SYNPR: variants seen among roughly 807,000 people sequenced by gnomAD.
SYNPR encodes the protein synaptoporin.
SYNPR carries 23 observed loss-of-function variants against 32.9 expected under a neutral mutation model. The ratio of observed to expected loss-of-function variants is 0.70; its 90% CI spans 0.50 to 0.99. The LOEUF is 0.99. SYNPR is among the 50% of genes least tolerant of loss of function. The probability of loss-of-function intolerance (pLI) is 0.00; values close to 1 mark genes in which losing one functional copy is unlikely to be tolerated. For missense variants in SYNPR, 318 were observed against 349.3 expected (o/e 0.91, Z 0.71); for synonymous variants, 146 against 135.9 (o/e 1.07, Z -0.52).
At chr3:63,302,766 T>C (rs1022375342) in intron 2 of SYNPR, among the ~76,000 whole-genome samples, 3 of 151,962 alleles carry the variant, frequency 2.0e-5, no homozygotes. Context: ...TAATGGATAA[T>C]AATAAACTTA....
intron 2 of SYNPR, among the ~76,000 whole-genome samples, chr3:63,318,171 C>T (rs953040205): frequency 1.3e-5 from 2 of 152,006 alleles, no homozygotes; most frequent in South Asian, 4.2e-4. Context: ...GTGCTTCTGT[C>T]TCACAGCTTT....
chr3:63,494,498 C>CATATATACATATATACATATATATACAT (rs1701332790), intron 3 of SYNPR, among the ~76,000 whole-genome samples: 3 of 107,180 alleles, frequency 2.8e-5, no homozygotes, highest in Non-Finnish European at 5.6e-5. Flanking sequence ...CATATATATA[C>CATATATACATATATACATATATATACAT]ATATATACAT....
chr3:63,281,783 G>A (rs1304105588), intron 2 of SYNPR, among the ~76,000 whole-genome samples: 1 of 152,142 alleles, frequency 6.6e-6, no homozygotes, highest in Admixed American at 6.5e-5. Context: ...AATATTTATT[G>A]CAACATCATC....
intron 2 of SYNPR, among the ~76,000 whole-genome samples, chr3:63,419,770 G>A (rs1053347396): frequency 2.1e-4 from 32 of 152,244 alleles, no homozygotes; most frequent in African/African-American, 7.7e-4. Context: ...TTCCATGAAA[G>A]GCATGTGAAG....
chr3:63,341,947 CTT>C (rs2087375671), intron 2 of SYNPR, among the ~76,000 whole-genome samples: 1 of 152,088 alleles, frequency 6.6e-6, no homozygotes, highest in Non-Finnish European at 1.5e-5. Flanking sequence ...TCCAAGGTTA[CTT>C]AGATTTTCTC....
intron 2 of SYNPR, among the ~76,000 whole-genome samples, chr3:63,444,566 A>G (rs527415427): frequency 6.6e-6 from 1 of 152,282 alleles, no homozygotes; most frequent in East Asian, 1.9e-4. Context: ...TACATTTTTC[A>G]GAGATTTCGA....
At chr3:63,517,373 A>C (rs1446720954) in intron 3 of SYNPR, among the ~76,000 whole-genome samples, 1 of 152,142 alleles carries the variant, frequency 6.6e-6, no homozygotes, top group Admixed American at 6.6e-5. Context: ...GTTTGATCTC[A>C]GTGGATGATC....
chr3:63,468,315 A>T (rs1194390826), intron 2 of SYNPR, among the ~76,000 whole-genome samples: 1 of 152,132 alleles, frequency 6.6e-6, no homozygotes, highest in East Asian at 1.9e-4. Flanking sequence ...GAATGTAGAA[A>T]GGTTTTTAAA....
intron 3 of SYNPR, among the ~76,000 whole-genome samples, chr3:63,555,927 A>C (rs1186569795): frequency 1.3e-5 from 2 of 152,300 alleles, no homozygotes; most frequent in East Asian, 3.9e-4. Flanking sequence ...CAAATGCCTA[A>C]AGGAAAGGAG....
intron 1 of SYNPR, among the ~76,000 whole-genome samples, chr3:63,235,184 G>A (rs2086192384): frequency 6.6e-6 from 1 of 152,152 alleles, no homozygotes; most frequent in Non-Finnish European, 1.5e-5. Context: ...ATACTGAATA[G>A]CACCAACACA....
upstream of SYNPR, among the ~76,000 whole-genome samples, chr3:63,274,856 T>C (rs2086561539): frequency 6.6e-6 from 1 of 152,148 alleles, no homozygotes; most frequent in Admixed American, 6.5e-5. Context: ...GTTGTGACAA[T>C]CAAAATGTCT....
intron 2 of SYNPR, among the ~76,000 whole-genome samples, chr3:63,351,178 T>C (rs1472968027): frequency 2.6e-5 from 4 of 152,212 alleles, no homozygotes; most frequent in Admixed American, 2.6e-4. Context: ...GCCCAATTGA[T>C]CTTGGCCGAT....
intron 2 of SYNPR, among the ~76,000 whole-genome samples, chr3:63,345,921 TC>T (rs1475948451): frequency 6.6e-6 from 1 of 152,090 alleles, no homozygotes; most frequent in Non-Finnish European, 1.5e-5. Context: ...TTCAAGCGAT[TC>T]CCCTGCCTCA....
intron 3 of SYNPR, among the ~76,000 whole-genome samples, chr3:63,539,130 G>A (rs1051821716): frequency 2.6e-5 from 4 of 151,930 alleles, no homozygotes; most frequent in African/African-American, 9.7e-5. Flanking sequence ...TGTTGTTTCA[G>A]TTTCAGTTTG....
chr3:63,442,742 C>T (rs1700202731), intron 2 of SYNPR, among the ~76,000 whole-genome samples: 1 of 152,246 alleles, frequency 6.6e-6, no homozygotes, highest in Admixed American at 6.5e-5. Context: ...TCTACAGTTG[C>T]CAGAGCCTTA....
chr3:63,569,839 A>T (rs994524677), intron 4 of SYNPR, among the ~76,000 whole-genome samples: 2 of 152,224 alleles, frequency 1.3e-5, no homozygotes, highest in African/African-American at 4.8e-5. Flanking sequence ...GGAATTCTTT[A>T]TAAGTTGCAT....
chr3:63,569,795 A>T (rs1702854804), intron 4 of SYNPR, among the ~76,000 whole-genome samples: 1 of 152,234 alleles, frequency 6.6e-6, no homozygotes, highest in Non-Finnish European at 1.5e-5. Flanking sequence ...AAACAAACAT[A>T]CAGAAATCCC....
intron 2 of SYNPR, among the ~76,000 whole-genome samples, chr3:63,339,371 A>G (rs374721914): frequency 2.0e-5 from 3 of 152,210 alleles, no homozygotes; most frequent in African/African-American, 7.2e-5. Flanking sequence ...TTTTATTAAG[A>G]TAATTACAGA....
At chr3:63,336,568 T>C (rs1428653231) in intron 2 of SYNPR, among the ~76,000 whole-genome samples, 2 of 108,284 alleles carry the variant, frequency 1.8e-5, no homozygotes, top group African/African-American at 3.8e-5. Flanking sequence ...AAAAAGACTC[T>C]ATACAATAGC....
Sources: allele counts gnomAD v4.1 joint callset (sites outside exome capture counted in the v4.1 genomes callset), GRCh38; gene constraint gnomAD v4.1.1; transcripts MANE v1.5; gene names NCBI Gene and HGNC (gene_info 2026-07-23, HGNC 2026-07-21).